The following MYH10 variants were observed in gnomAD, a reference collection of about 807,000 sequenced individuals.
MYH10 encodes the protein myosin-10.
MYH10 carries 55 observed loss-of-function variants against 257.8 expected under a neutral mutation model. The ratio of observed to expected loss-of-function variants is 0.21; its 90% confidence interval spans 0.17 to 0.27. The LOEUF (loss-of-function observed/expected upper bound fraction) is 0.27, where lower values mean the gene tolerates loss of function less well. Ranked by LOEUF, MYH10 falls within the 10% of genes least tolerant of loss-of-function variation. The pLI is 1.00. For synonymous variants in MYH10, 854 were observed against 921.7 expected (o/e 0.93, Z 1.33); for missense variants, 1,631 against 2,500.6 (o/e 0.65, Z 7.42).
In MYH10 at chr17:8,508,668, G is replaced by A. The variant is rs1193885887; in HGVS notation, c.3100C>T (p.Leu1034Phe). 6.2e-7 allele frequency: 1 copy of A among 1,613,874 alleles called. No homozygotes were observed. Among genetic ancestry groups the A allele is most frequent in the African/African-American group, 1.3e-5 (1 of 74,986 alleles). ...CACTCAGCAATGCGATCTTCCATGA[G>A]TTTCTTTTCCTGGACAGGAAAAATT... Reference protein sequence around the residue: ...QNSKFIKEKKLMEDRIAECSS... With the variant: ...QNSKFIKEKKFMEDRIAECSS... The change falls in exon 26 of 43, where the codon CTC (leucine) becomes TTC (phenylalanine). Residue 1034 changes from leucine (L) to phenylalanine (F), a missense_variant. Leu to Phe is a conservative substitution (Grantham distance 22). This residue lies in a region of MYH10 where 169 missense variants were observed against 249.8 expected (regional missense o/e 0.68). Coordinates refer to ENST00000360416, the MANE Select transcript of MYH10 (RefSeq NM_001256012.3).
chr17:8,486,131 T>TAGAG (rs1165162357), intron 36 of MYH10, among the ~76,000 whole-genome samples: 2 of 152,156 alleles, frequency 1.3e-5, no homozygotes, highest in Non-Finnish European at 2.9e-5. Context: ...GGCAAATTTA[T>TAGAG]AGAGACTGAA....
At chr17:8,487,687 G>T in intron 35 of MYH10, 93 bp from the exon 36 acceptor site, 1 of 1,442,378 alleles carries the variant, frequency 6.9e-7, no homozygotes, top group Non-Finnish European at 9.6e-7. Context: ...CTGGTTACTC[G>T]GGTGAGTGGA....
intron 7 of MYH10, among the ~76,000 whole-genome samples, chr17:8,554,787 T>C (rs1232063440): frequency 1.3e-5 from 2 of 152,086 alleles, no homozygotes; most frequent in Admixed American, 1.3e-4. Flanking sequence ...CCGTCTCTAC[T>C]AAAAATACAA....
intron 4 of MYH10, among the ~76,000 whole-genome samples, chr17:8,581,427 CTG>C (rs1167193381): frequency 7.2e-5 from 11 of 152,100 alleles, no homozygotes; most frequent in African/African-American, 2.7e-4. Context: ...TGGTTTGTCT[CTG>C]TGGTTTCCCA....
At chr17:8,533,639 CTCTTT>C (rs989112006) in intron 16 of MYH10, among the ~76,000 whole-genome samples, 1 of 152,160 alleles carries the variant, frequency 6.6e-6, no homozygotes, top group Non-Finnish European at 1.5e-5. Context: ...AATCATTATT[CTCTTT>C]TAAGGACAAG....
rs2082957733 is a variant in MYH10 at position 8,560,586 on chromosome 17, A to G, written c.757-6568T>C. 3.4e-6 allele frequency: 3 copies of G among 880,620 alleles called. No individual in the cohort carries two copies. In the Admixed American group the frequency reaches 5.6e-5, roughly 16 times the overall value. 54.6% of individuals were successfully genotyped at this position (880,620 alleles called of 1,614,324 possible). A position where few individuals can be genotyped will look rare whatever the true frequency, so the allele number is the denominator to read the frequency against. On this transcript the variant is annotated intron_variant, in intron 7 of 42. Coordinates refer to ENST00000360416, the MANE Select transcript of MYH10 (RefSeq NM_001256012.3). ...CAAAAACAGTGGAAAACTTTCGTGCACTGAGCACTGGAGGAAAAGGATTTG... is the reference window on the plus strand; with the variant it reads ...CAAAAACAGTGGAAAACTTTCGTGCGCTGAGCACTGGAGGAAAAGGATTTG...
In MYH10 at chr17:8,604,840, C is replaced by A; in HGVS notation, c.488G>T (p.Arg163Ile). 6.4e-7 allele frequency: 1 copy of A among 1,567,804 alleles called. No homozygotes were observed. The change falls in exon 3 of 43, where the codon AGA (arginine) becomes ATA (isoleucine). Residue 163 changes from arginine to isoleucine, a missense_variant. Around this residue, in one of 11 missense-constraint regions of MYH10, gnomAD observed 360 missense variants for 581.9 expected, o/e 0.62. Coordinates refer to ENST00000360416, the MANE Select transcript of MYH10 (RefSeq NM_001256012.3). ...HIYAISESAYRCMLQDREDQS... is the reference protein window; with the variant it reads ...HIYAISESAYICMLQDREDQS... ...TTTCCAATTACCTTGAAGCATGCAT[C>A]TGTAAGCAGATTCAGATATAGCATA...
chr17:8,629,753 G>A (rs999394829), intron 1 of MYH10, among the ~76,000 whole-genome samples: 1 of 151,990 alleles, frequency 6.6e-6, no homozygotes, highest in Non-Finnish European at 1.5e-5. Flanking sequence ...CCCTCCCCCC[G>A]GCCGTCCTGC....
chr17:8,520,980 T>G lies in MYH10; in HGVS notation c.2171A>C (p.His724Pro). The G allele has an allele frequency of 1.9e-6, 3 of 1,612,516 alleles. No homozygotes were observed. The highest frequency in any genetic ancestry group is 2.2e-5 in the South Asian group (2 of 91,040). ...HEKRAGKLDPHLVLDQLRCNG... is the reference protein window; with the variant it reads ...HEKRAGKLDPPLVLDQLRCNG... ...ACAGCGAAGCTGATCTAGGACTAGGTGTGGATCCAATTTTCCAGCCTAATC... is the reference window on the plus strand; with the variant it reads ...ACAGCGAAGCTGATCTAGGACTAGGGGTGGATCCAATTTTCCAGCCTAATC... The change falls in exon 19 of 43, where the codon CAC (histidine) becomes CCC (proline). Residue 724 changes from histidine (H) to proline (P), a missense_variant. Coordinates refer to ENST00000360416, the MANE Select transcript of MYH10 (RefSeq NM_001256012.3).
intron 19 of MYH10, among the ~76,000 whole-genome samples, chr17:8,519,376 C>T (rs2081576103): frequency 6.6e-6 from 1 of 152,106 alleles, no homozygotes; most frequent in Admixed American, 6.6e-5. Flanking sequence ...GGCTTCTATT[C>T]AAAACATCAG....
intron 7 of MYH10, among the ~76,000 whole-genome samples, chr17:8,557,325 G>A (rs1399024179): frequency 2.6e-5 from 4 of 152,046 alleles, no homozygotes; most frequent in Non-Finnish European, 5.9e-5. Flanking sequence ...CCCAAACCAA[G>A]CTAGCAAACA....
intron 2 of MYH10, among the ~76,000 whole-genome samples, chr17:8,616,345 G>A (rs1429112043): frequency 1.3e-5 from 2 of 151,918 alleles, no homozygotes; most frequent in African/African-American, 2.4e-5. Context: ...CAACATGTGT[G>A]CTCATAGAAA....
chr17:8,496,310 A>G (rs921166924), intron 30 of MYH10, among the ~76,000 whole-genome samples: 1 of 152,216 alleles, frequency 6.6e-6, no homozygotes, highest in Non-Finnish European at 1.5e-5. Context: ...ACATGCTGTA[A>G]CGCTTCCATG....
chr17:8,516,235 TAG>T (rs1327523694), intron 21 of MYH10, among the ~76,000 whole-genome samples: 1 of 152,252 alleles, frequency 6.6e-6, no homozygotes, highest in Non-Finnish European at 1.5e-5. Context: ...AAAATCACTT[TAG>T]CTCCTTCCCC....
chr17:8,537,432 G>A (rs2279746), intron 14 of MYH10, among the ~76,000 whole-genome samples: 76,233 of 152,036 alleles, frequency 0.5, 20,138 homozygotes, highest in Middle Eastern at 0.61. Context: ...ATGCCAGCGG[G>A]TGGAAGCTGA....
intron 40 of MYH10, 77 bp from the exon 41 acceptor site, chr17:8,478,523 T>G: frequency 7.2e-7 from 1 of 1,386,854 alleles, no homozygotes; most frequent in South Asian, 1.2e-5. Flanking sequence ...TTAAAGCCCC[T>G]TTTCTTTGGG....
rs1394459079 is a variant in MYH10, at chr17:8,535,952, G to A, written c.1606-21C>T. On this transcript the variant is annotated intron_variant, in intron 14 of 42. Coordinates refer to ENST00000360416, the MANE Select transcript of MYH10 (RefSeq NM_001256012.3). This position sits in a 1 kb window ranked among gnomAD's most constrained non-coding sequence, Gnocchi z 4.3. ...TTCGCCTGATAATGACAGGCAATAA[G>A]AATTCACAAGTTTTGCATGCCACTT... is the stretch of plus-strand genomic sequence containing the variant. The A allele has an allele frequency of 1.8e-5, 29 of 1,603,218 alleles. No individual in the cohort carries two copies. The highest frequency in any genetic ancestry group is 2.5e-5 in the Non-Finnish European group (29 of 1,173,760).
chr17:8,605,257 G>A (rs548654984), intron 2 of MYH10, among the ~76,000 whole-genome samples: 1 of 152,240 alleles, frequency 6.6e-6, no homozygotes, highest in Admixed American at 6.5e-5. Flanking sequence ...CTGACTTCAC[G>A]TGGCTATCAT....
rs59065540 is a variant in MYH10, at chr17:8,489,708, A to AACACACACACACACACACACACACACAC, written c.4884+604_4884+631dup. ...GACAGAGCGAGACTCCGTCTGAAAA[A>AACACACACACACACACACACACACACAC]ACACACACACACACACACACACACA... On this transcript the variant is annotated intron_variant, in intron 35 of 42. Coordinates refer to ENST00000360416, the MANE Select transcript of MYH10 (RefSeq NM_001256012.3). Among the ~76,000 whole-genome samples, 77 of 93,124 alleles carry AACACACACACACACACACACACACACAC rather than the reference A, an allele frequency of 8.3e-4. 1 individual carries two copies. The highest frequency in any genetic ancestry group is 2.7e-3 in the African/African-American group (74 of 27,024). The allele number at this position is 93,124 out of a possible 152,430, so 61.1% of individuals were successfully genotyped here. A position where few individuals can be genotyped will look rare whatever the true frequency, so the allele number is the denominator to read the frequency against.
Sources: gnomAD v4.1 joint callset for allele counts (sites outside exome capture counted in the v4.1 genomes callset) on GRCh38, gnomAD v4.1.1 for gene constraint, gnomAD v4.1.1 regional missense constraint, Gnocchi (gnomAD v3.1) non-coding constraint, MANE v1.5 for transcripts, NCBI Gene and HGNC (gene_info 2026-07-23, HGNC 2026-07-21) for gene names.